Variants in USH2A observed in about 807,000 individuals in gnomAD.
USH2A encodes the protein Usher syndrome 2A (autosomal recessive, mild).
USH2A carries 443 observed loss-of-function variants against 538.9 expected under a neutral mutation model. That is an observed-to-expected ratio of 0.82 (90% CI 0.76 to 0.89). The LOEUF is 0.89. Ranked by LOEUF, USH2A falls within the 40% of genes least tolerant of loss-of-function variation. The pLI is 0.00. For synonymous variants in USH2A, 2,413 were observed against 2,273.5 expected, an observed-to-expected ratio of 1.06 and a Z score of -1.75; for missense variants, 6,633 against 6,324.8, an observed-to-expected ratio of 1.05 and a Z score of -1.65.
Position 215,987,415 on chromosome 1 carries a change from G to T in USH2A, c.6805+5605C>A, listed in dbSNP as rs776933001. 2.6e-5 allele frequency among the ~76,000 whole-genome samples: 4 copies of T among 152,294 alleles called. No homozygotes were observed. In the East Asian group the frequency reaches 7.7e-4, roughly 29 times the overall value. On this transcript the variant is annotated intron_variant, in intron 35 of 71. Transcript: ENST00000307340. The stretch of plus-strand genomic sequence containing the variant: ...CCTATAGACCTTGGACCTAAAAGTC[G>T]CTCTTTTCAGCGGTTTTAAAATCAT...
At chr1:215,646,142 G>A (rs1656845306) in intron 67 of USH2A, among the ~76,000 whole-genome samples, 1 of 152,136 alleles carries the variant, frequency 6.6e-6, no homozygotes, top group Non-Finnish European at 1.5e-5. Context: ...CAAAATATTA[G>A]TAGTGGTTGC....
intron 57 of USH2A, among the ~76,000 whole-genome samples, chr1:215,759,325 A>G (rs1478736302): frequency 1.3e-5 from 2 of 152,154 alleles, no homozygotes; most frequent in Non-Finnish European, 2.9e-5. Flanking sequence ...TTGACGGAAA[A>G]CAAAACTCTT....
intron 38 of USH2A, among the ~76,000 whole-genome samples, chr1:215,918,684 A>G (rs1376084282): frequency 2.0e-5 from 3 of 152,292 alleles, no homozygotes; most frequent in Admixed American, 6.5e-5. Context: ...AGTCATTGGC[A>G]GAATTTAAAC....
At chr1:216,102,063 C>T (rs1480866002) in intron 21 of USH2A, among the ~76,000 whole-genome samples, 1 of 151,858 alleles carries the variant, frequency 6.6e-6, no homozygotes, top group Non-Finnish European at 1.5e-5. Context: ...ATAAATTAGA[C>T]CATGTTAGAA....
intron 30 of USH2A, among the ~76,000 whole-genome samples, chr1:216,057,316 T>C (rs1194517539): frequency 1.3e-5 from 2 of 152,118 alleles, no homozygotes; most frequent in Admixed American, 1.3e-4. Context: ...ACTATTTATG[T>C]CATAGGCCAT....
At chr1:216,036,826 T>C (rs60180090) in intron 32 of USH2A, among the ~76,000 whole-genome samples, 2,149 of 152,192 alleles carry the variant, frequency 0.014, 45 homozygotes, top group African/African-American at 0.049. Flanking sequence ...GTTCTGAATG[T>C]AGGTACAGGA....
At chr1:216,167,822 TC>T (rs2034200763) in intron 21 of USH2A, among the ~76,000 whole-genome samples, 1 of 152,150 alleles carries the variant, frequency 6.6e-6, no homozygotes, top group Admixed American at 6.6e-5. Context: ...TCAAATTCTT[TC>T]TTCTGAGAAT....
At chr1:216,286,447 G>A (rs900162313) in intron 11 of USH2A, among the ~76,000 whole-genome samples, 1 of 152,090 alleles carries the variant, frequency 6.6e-6, no homozygotes, top group South Asian at 2.1e-4. Context: ...CTATTCTTCT[G>A]GCCAGGTGTG....
chr1:215,756,433 A>C lies in USH2A; in HGVS notation c.11389+2162T>G, dbSNP rs1356024792. Among the ~76,000 whole-genome samples, 5 of 152,346 alleles carry C rather than the reference A, an allele frequency of 3.3e-5. No homozygotes were observed. The East Asian group carries it at 9.6e-4, about 29-fold the overall frequency. On this transcript the variant is annotated intron_variant, in intron 58 of 71. Transcript: ENST00000307340. Reference sequence around the variant, plus strand: ...ATGGGACTTCCCAGTCATATGGCAAAGAAATCATCAACCTTGCTCATCACC... The same window carrying C: ...ATGGGACTTCCCAGTCATATGGCAACGAAATCATCAACCTTGCTCATCACC...
At chr1:215,767,704 C>T (rs762530086) in intron 55 of USH2A, among the ~76,000 whole-genome samples, 18 of 152,146 alleles carry the variant, frequency 1.2e-4, no homozygotes, top group Non-Finnish European at 2.1e-4. Flanking sequence ...CTTCTCTTTG[C>T]CTTGGTCTAC....
intron 39 of USH2A, 150 bp downstream of exon 39, chr1:215,900,605 C>A: frequency 1.9e-6 from 2 of 1,074,248 alleles, no homozygotes; most frequent in Admixed American, 2.4e-5. Flanking sequence ...TTTTGCAAAG[C>A]AAATGATTAT....
Position 216,351,144 on chromosome 1 carries a change from T to TA in USH2A, c.784+13808dup, listed in dbSNP as rs966822473. 4.6e-5 allele frequency among the ~76,000 whole-genome samples: 7 copies of TA among 152,038 alleles called. No homozygotes were observed. The Middle Eastern group carries it at 0.01, about 223-fold the overall frequency. On this transcript the variant is annotated intron_variant, in intron 4 of 71. Coordinates refer to ENST00000307340, the MANE Select transcript of USH2A (RefSeq NM_206933.4). ...GGGGTATATCAGTGAGTAATGCAAA[T>TA]AAAAAAAATCTTGCTTTCTCTTTTA...
chr1:216,073,295 C>G lies in USH2A; in HGVS notation c.5578G>C (p.Gly1860Arg). 6.2e-7 allele frequency: 1 copy of G among 1,612,216 alleles called. No individual in the cohort carries two copies. The highest frequency in any genetic ancestry group is 1.3e-5 in the African/African-American group (1 of 74,468). Residue 1860 changes from glycine (G) to arginine (R), a missense_variant, in exon 28 of 72, where the codon GGT becomes CGT. Physicochemically the swap from Gly to Arg is moderately radical, Grantham distance 125 (BLOSUM62 -2). Coordinates refer to ENST00000307340, the MANE Select transcript of USH2A (RefSeq NM_206933.4). ...AATTTAACATCCTTCATGCAACCAC[C>G]GAAACCTAGCAAATAGTAAGGGATT... ...YQHLCLEQGFGGCMKDVKFTR... is the reference protein window; with the variant it reads ...YQHLCLEQGFRGCMKDVKFTR...
At position 215,670,963 on chromosome 1, in the gene USH2A, A is replaced by T. The variant is rs2102661130; in HGVS notation, c.14133+9T>A. ...TCAGCTCGAATTGTTTATAATACAC[A>T]TTTCTTACCTGATACTCATACTCTG... On this transcript the variant is annotated intron_variant, in intron 64 of 71. Transcript: ENST00000307340. 6.2e-7 allele frequency: 1 copy of T among 1,613,842 alleles called. No individual in the cohort carries two copies. Among genetic ancestry groups the T allele is most frequent in the Non-Finnish European group, 8.5e-7 (1 of 1,179,772 alleles).
Position 215,625,675 on chromosome 1 carries a change from A to G in USH2A, c.*106T>C. 2 of 1,017,202 alleles carry G rather than the reference A, an allele frequency of 2.0e-6. No individual in the cohort carries two copies. The highest frequency in any genetic ancestry group is 2.5e-5 in the East Asian group (1 of 40,408). 63.0% of individuals were successfully genotyped at this position (1,017,202 alleles called of 1,614,324 possible). ...CATCATTTCTTTAAAGAATTATAGG[A>G]TAATAAACAATGGCTTTTCAGCATT... On this transcript the variant is annotated 3_prime_UTR_variant, in exon 72 of 72. Coordinates refer to ENST00000307340, the MANE Select transcript of USH2A (RefSeq NM_206933.4).
chr1:215,784,862 G>T lies in USH2A; in HGVS notation c.10387+1808C>A, dbSNP rs185952177. On this transcript the variant is annotated intron_variant, in intron 52 of 71. Coordinates refer to ENST00000307340, the MANE Select transcript of USH2A (RefSeq NM_206933.4). ...GTGGAAACATCTATTCACTTCTGGA[G>T]AGGGCTATTACAAGTATTTATTAAA... 4.3e-4 allele frequency among the ~76,000 whole-genome samples: 66 copies of T among 152,282 alleles called. 2 individuals carry two copies. The highest frequency in any genetic ancestry group is 3.5e-3 in the Admixed American group (54 of 15,290).
At chr1:216,058,709 G>C (rs17025987) in intron 30 of USH2A, among the ~76,000 whole-genome samples, 2 of 152,010 alleles carry the variant, frequency 1.3e-5, no homozygotes, top group Admixed American at 1.3e-4. Flanking sequence ...TTAAAGAACT[G>C]TTGATAAAAG....
intron 22 of USH2A, among the ~76,000 whole-genome samples, chr1:216,092,035 C>T (rs1342418570): frequency 7.9e-5 from 12 of 151,158 alleles, no homozygotes; most frequent in Non-Finnish European, 1.6e-4. Context: ...CTAATTTTTT[C>T]AAAATAAAAA....
chr1:215,750,395 G>A (rs987150506), intron 58 of USH2A, among the ~76,000 whole-genome samples: 5 of 152,032 alleles, frequency 3.3e-5, no homozygotes, highest in African/African-American at 1.2e-4. Context: ...AACTTTTAGG[G>A]TGTCCAGCAT....
Sources: allele counts gnomAD v4.1 joint callset (sites outside exome capture counted in the v4.1 genomes callset), GRCh38; gene constraint gnomAD v4.1.1; transcripts MANE v1.5; gene names NCBI Gene and HGNC (gene_info 2026-07-23, HGNC 2026-07-21).